Variants in SNX2 observed in about 807,000 individuals in gnomAD.
The protein encoded by SNX2 is sorting nexin 2, also known as sorting nexin-2.
SNX2 carries 25 observed loss-of-function variants against 69.9 expected under a neutral mutation model. The observed-to-expected ratio is 0.36, with a 90% CI of 0.26 to 0.50. The LOEUF (loss-of-function observed/expected upper bound fraction) is 0.50. Ranked by LOEUF, SNX2 falls within the 20% of genes least tolerant of loss-of-function variation. The pLI, the probability that SNX2 is intolerant of heterozygous loss-of-function variation, is 0.97. For synonymous variants in SNX2, 229 were observed against 200.4 expected (o/e 1.14, Z -1.20); for missense variants, 551 against 613.3 (o/e 0.90, Z 1.07).
At chr5:122,775,271 C>G in intron 1 of SNX2, 60 bp downstream of exon 1, 1 of 1,493,498 alleles carries the variant, frequency 6.7e-7, no homozygotes. Context: ...CACCTTTCCC[C>G]TGCCCCGACT....
intron 6 of SNX2, among the ~76,000 whole-genome samples, chr5:122,806,142 G>GCGCGCACACACACACACACACA: frequency 1.6e-4 from 21 of 130,656 alleles, no homozygotes; most frequent in Non-Finnish European, 2.9e-4. Context: ...ACACGCGCGC[G>GCGCGCACACACACACACACACA]CACACACACA....
At chr5:122,819,382 TA>T (rs1396397093) in intron 11 of SNX2, among the ~76,000 whole-genome samples, 1 of 152,208 alleles carries the variant, frequency 6.6e-6, no homozygotes, top group African/African-American at 2.4e-5. Context: ...GACTGTGTAA[TA>T]AATAGGATAA....
At chr5:122,788,996 A>G (rs1381247843) in intron 1 of SNX2, among the ~76,000 whole-genome samples, 1 of 152,196 alleles carries the variant, frequency 6.6e-6, no homozygotes, top group East Asian at 1.9e-4. Flanking sequence ...ACTATATCTT[A>G]AACATCCCAA....
At chr5:122,776,479 A>T (rs1752859649) in intron 1 of SNX2, among the ~76,000 whole-genome samples, 1 of 152,150 alleles carries the variant, frequency 6.6e-6, no homozygotes, top group Non-Finnish European at 1.5e-5. Context: ...ATCCCTTTTA[A>T]TAGCCAAAAG....
intron 1 of SNX2, among the ~76,000 whole-genome samples, chr5:122,790,201 C>G (rs979350612): frequency 1.3e-5 from 2 of 152,152 alleles, no homozygotes; most frequent in African/African-American, 4.8e-5. Context: ...TCACTGCAAC[C>G]TCCGCCTCCT....
chr5:122,803,653 T>TTTA (rs1753564544), intron 6 of SNX2, 40 bp downstream of exon 6: 1 of 1,517,550 alleles, frequency 6.6e-7, no homozygotes, highest in Admixed American at 1.9e-5. Flanking sequence ...TTGTTACTGT[T>TTTA]ACTAGTTCAG....
chr5:122,802,998 T>C (rs1230860643), intron 5 of SNX2, among the ~76,000 whole-genome samples: 2 of 152,146 alleles, frequency 1.3e-5, no homozygotes, highest in African/African-American at 2.4e-5. Flanking sequence ...ATTGGATAAA[T>C]ATTCATTAAA....
chr5:122,813,830 A>G (rs1195205972), intron 7 of SNX2, among the ~76,000 whole-genome samples: 3 of 143,080 alleles, frequency 2.1e-5, no homozygotes, highest in Non-Finnish European at 3.0e-5. Context: ...CTAGAGTGCA[A>G]TGGTGCAATC....
At chr5:122,814,631 G>A (rs1227052689) in intron 7 of SNX2, among the ~76,000 whole-genome samples, 1 of 152,032 alleles carries the variant, frequency 6.6e-6, no homozygotes, top group Non-Finnish European at 1.5e-5. Context: ...TTATAAAAAG[G>A]TAGAAGAAAT....
chr5:122,823,500 A>T (rs952151250), intron 11 of SNX2, among the ~76,000 whole-genome samples: 3 of 152,222 alleles, frequency 2.0e-5, no homozygotes, highest in African/African-American at 7.2e-5. Context: ...TAGCATATCA[A>T]TGGAAAAGCC....
rs756506298 is a variant in SNX2 at position 122,775,091 on chromosome 5, C to A, written c.-13C>A. On this transcript the variant is annotated 5_prime_UTR_variant, in exon 1 of 15. Coordinates refer to ENST00000379516, the MANE Select transcript of SNX2 (RefSeq NM_003100.4). Reference sequence around the variant, plus strand: ...GCGAGGCCCAGCTCGCGCAGTCGTTCGGGTGAGCGAAGATGGCGGCCGAGA... The same window carrying A: ...GCGAGGCCCAGCTCGCGCAGTCGTTAGGGTGAGCGAAGATGGCGGCCGAGA... 9.5e-6 allele frequency: 15 copies of A among 1,575,144 alleles called. No homozygotes were observed. Among genetic ancestry groups the A allele is most frequent in the Middle Eastern group, 1.7e-4 (1 of 6,014 alleles).
At chr5:122,787,326 C>A (rs1490847945) in intron 1 of SNX2, among the ~76,000 whole-genome samples, 1 of 152,062 alleles carries the variant, frequency 6.6e-6, no homozygotes, top group Non-Finnish European at 1.5e-5. Flanking sequence ...TCGAGACCAG[C>A]CTAGCCAACA....
At chr5:122,806,142 G>GCGCACGCGCAGACACACACACACACA in intron 6 of SNX2, among the ~76,000 whole-genome samples, 1 of 130,584 alleles carries the variant, frequency 7.7e-6, no homozygotes, top group African/African-American at 2.9e-5. Flanking sequence ...ACACGCGCGC[G>GCGCACGCGCAGACACACACACACACA]CACACACACA....
intron 1 of SNX2, among the ~76,000 whole-genome samples, chr5:122,778,014 C>A (rs1289564694): frequency 1.3e-5 from 2 of 152,186 alleles, no homozygotes; most frequent in Non-Finnish European, 2.9e-5. Flanking sequence ...CACTAGTCTA[C>A]TTTCTACTTC....
chr5:122,816,959 A>G lies in SNX2; in HGVS notation c.843A>G (p.Ile281Met). Reference sequence around the variant, plus strand: ...CACAGGCTCTGAGTGGAGCAGGAATATTGAGGATGGTGAACAAGGCTGCCG... The same window carrying G: ...CACAGGCTCTGAGTGGAGCAGGAATGTTGAGGATGGTGAACAAGGCTGCCG... ...VNTQALSGAGILRMVNKAADA... is the reference protein window; with the variant it reads ...VNTQALSGAGMLRMVNKAADA... The change falls in exon 9 of 15, where the codon ATA becomes ATG. Residue 281 changes from isoleucine (I) to methionine (M), a missense_variant. By Grantham distance (10) the Ile-to-Met change is conservative (BLOSUM62 1). Transcript: ENST00000379516. 6.2e-7 allele frequency: 1 copy of G among 1,613,732 alleles called. No homozygotes were observed. Among genetic ancestry groups the G allele is most frequent in the Non-Finnish European group, 8.5e-7 (1 of 1,179,728 alleles).
intron 3 of SNX2, among the ~76,000 whole-genome samples, 155 bp downstream of exon 3, chr5:122,800,010 T>TC (rs1370044747): frequency 6.6e-6 from 1 of 152,182 alleles, no homozygotes; most frequent in African/African-American, 2.4e-5. Context: ...GCTTCTATCT[T>TC]CCCCACTCTA....
Position 122,793,754 on chromosome 5 carries a change from C to CA in SNX2, c.109-1503dup, listed in dbSNP as rs201474978. On this transcript the variant is annotated intron_variant, in intron 1 of 14. Transcript: ENST00000379516. The stretch of plus-strand genomic sequence containing the variant: ...GTGAACCCCATCTCTACTAAAAATA[C>CA]AAAAAAAAATTAGCTGGGCGTGATG... Among the ~76,000 whole-genome samples the CA allele has an allele frequency of 3.5e-4, 52 of 148,720 alleles. 1 individual carries two copies. The highest frequency in any genetic ancestry group is 1.2e-3 in the African/African-American group (47 of 40,488).
At position 122,826,122 on chromosome 5, in the gene SNX2, G is replaced by T; in HGVS notation, c.1285G>T (p.Glu429Ter). Reference protein sequence around the residue: ...DAQITLLKKREAEAKMMVANK... With the variant: ...DAQITLLKKR ...TCAAATTACTTTGCTCAAAAAACGT[G>T]AAGCTGAAGCAAAAATGATGGTTGC... is the stretch of plus-strand genomic sequence containing the variant. Residue 429 changes from glutamate to a stop codon, truncating the protein, a stop_gained, in exon 12 of 15, where the codon GAA (glutamate) becomes TAA (stop). Coordinates refer to ENST00000379516, the MANE Select transcript of SNX2 (RefSeq NM_003100.4). LOFTEE classifies it high-confidence loss of function. 1 of 1,613,248 alleles carries T rather than the reference G, an allele frequency of 6.2e-7. No individual in the cohort carries two copies. The highest frequency in any genetic ancestry group is 2.2e-5 in the East Asian group (1 of 44,738).
At chr5:122,806,142 G>GCACGCGCGCGCACACACACACACACA (rs1554063175) in intron 6 of SNX2, among the ~76,000 whole-genome samples, 12 of 130,584 alleles carry the variant, frequency 9.2e-5, no homozygotes, top group African/African-American at 3.5e-4. Context: ...ACACGCGCGC[G>GCACGCGCGCGCACACACACACACACA]CACACACACA....
Sources: gnomAD v4.1 joint callset for allele counts (sites outside exome capture counted in the v4.1 genomes callset) on GRCh38, gnomAD v4.1.1 for gene constraint, MANE v1.5 for transcripts, NCBI Gene and HGNC (gene_info 2026-07-23, HGNC 2026-07-21) for gene names.